The following CTSL variants were observed in gnomAD, a reference collection of about 807,000 sequenced individuals.
The protein encoded by CTSL is cathepsin L.
CTSL carries 23 observed loss-of-function variants against 34.7 expected under a neutral mutation model. The observed-to-expected ratio is 0.66, with a 90% CI of 0.48 to 0.94. The LOEUF is 0.94. Ranked by LOEUF, CTSL falls within the 40% of genes least tolerant of loss-of-function variation. The pLI, the probability that CTSL is intolerant of heterozygous loss-of-function variation, is 0.00. For synonymous variants in CTSL, 129 were observed against 136.7 expected, an observed-to-expected ratio of 0.94 and a Z score of 0.39; for missense variants, 361 against 406.3, an observed-to-expected ratio of 0.89 and a Z score of 0.96.
rs577631311 is a variant in CTSL, at chr9:87,731,258, T to A, written c.*151T>A. On this transcript the variant is annotated 3_prime_UTR_variant, in exon 8 of 8. Coordinates refer to ENST00000343150, the MANE Select transcript of CTSL (RefSeq NM_001912.5). ...TTTGAATTCTGTGATATTTTCACAC[T>A]GGTAAATGTTACCTCTATTTTAATT... 3.8e-6 allele frequency: 2 copies of A among 520,456 alleles called. No homozygotes were observed. The highest frequency in any genetic ancestry group is 6.9e-6 in the Non-Finnish European group (2 of 290,042). The allele number at this position is 520,456 out of a possible 1,614,324, so 32.2% of individuals were successfully genotyped here.
chr9:87,727,344 C>T (rs929755723), intron 1 of CTSL, among the ~76,000 whole-genome samples: 2 of 152,132 alleles, frequency 1.3e-5, no homozygotes. Flanking sequence ...AAATTGTCAT[C>T]GCATAAACTG....
chr9:87,730,902 C>T, intron 7 of CTSL, 106 bp from the exon 8 acceptor site: 1 of 826,726 alleles, frequency 1.2e-6, no homozygotes, highest in Non-Finnish European at 1.9e-6. Flanking sequence ...CTGATTCTTT[C>T]TGTTAAGTCT....
At chr9:87,730,949 G>A (rs1045987702) in intron 7 of CTSL, 59 bp from the exon 8 acceptor site, 2 of 1,435,438 alleles carry the variant, frequency 1.4e-6, no homozygotes, top group Non-Finnish European at 2.0e-6. Context: ...GGGTGTTCCT[G>A]TTAATAACCC....
chr9:87,729,722 G>A lies in CTSL; in HGVS notation c.771G>A (p.Leu257=), dbSNP rs1049686287. Residue 257 remains leucine, a synonymous_variant, in exon 6 of 8, where the codon CTG becomes CTA. Coordinates refer to ENST00000343150, the MANE Select transcript of CTSL (RefSeq NM_001912.5). ...VAIDAGHESF[L]FYKEGIYFEP... is the part of the protein sequence containing the mutation. ...TTGATGCAGGTCATGAGTCCTTCCTGTTCTATAAAGAAGGTAAGCATATTT... is the reference window on the plus strand; with the variant it reads ...TTGATGCAGGTCATGAGTCCTTCCTATTCTATAAAGAAGGTAAGCATATTT... 3.7e-6 allele frequency: 6 copies of A among 1,603,550 alleles called. No individual in the cohort carries two copies. Among genetic ancestry groups the A allele is most frequent in the Non-Finnish European group, 5.1e-6 (6 of 1,177,096 alleles).
intron 1 of CTSL, among the ~76,000 whole-genome samples, chr9:87,726,817 C>G (rs1223999816): frequency 6.6e-6 from 1 of 151,980 alleles, no homozygotes; most frequent in African/African-American, 2.4e-5. Flanking sequence ...CTGAGGTGGG[C>G]GGATCACCTG....
At chr9:87,727,956 A>G in intron 2 of CTSL, 71 bp from the exon 3 acceptor site, 1 of 1,596,970 alleles carries the variant, frequency 6.3e-7, no homozygotes, top group South Asian at 1.1e-5. Flanking sequence ...CTCTGTCTGC[A>G]GATTCACTTG....
intron 4 of CTSL, 21 bp from the exon 5 acceptor site, chr9:87,728,564 T>A: frequency 6.3e-7 from 1 of 1,597,610 alleles, no homozygotes. Flanking sequence ...GGATGACAGC[T>A]TTTTTTAATT....
At chr9:87,726,879 C>A (rs1242355385) in intron 1 of CTSL, among the ~76,000 whole-genome samples, 1 of 151,998 alleles carries the variant, frequency 6.6e-6, no homozygotes, top group Non-Finnish European at 1.5e-5. Context: ...CCCGTCTCTA[C>A]TGAAAATACA....
intron 2 of CTSL, 146 bp downstream of exon 2, chr9:87,727,875 G>C (rs1405851357): frequency 7.1e-7 from 1 of 1,402,456 alleles, no homozygotes; most frequent in Non-Finnish European, 9.9e-7. Flanking sequence ...ATTCATCCTT[G>C]TTGTGTCTCA....
At chr9:87,728,835 C>G (rs770755945) in intron 5 of CTSL, 26 bp downstream of exon 5, 1 of 1,614,094 alleles carries the variant, frequency 6.2e-7, no homozygotes, top group Admixed American at 1.7e-5. Context: ...TGTCATCATT[C>G]CAGCTCAGCT....
At position 87,731,182 on chromosome 9, in the gene CTSL, A is replaced by G. The variant is rs1826249632; in HGVS notation, c.*75A>G. The G allele has an allele frequency of 9.0e-7, 1 of 1,109,936 alleles. No homozygotes were observed. The highest frequency in any genetic ancestry group is 2.4e-5 in the East Asian group (1 of 40,830). 68.8% of individuals were successfully genotyped at this position (1,109,936 alleles called of 1,614,324 possible). A position where few individuals can be genotyped will look rare whatever the true frequency, so the allele number is the denominator to read the frequency against. On this transcript the variant is annotated 3_prime_UTR_variant, in exon 8 of 8. Coordinates refer to ENST00000343150, the MANE Select transcript of CTSL (RefSeq NM_001912.5). ...GGGAGGAATTCATCTTCAGTCTACC[A>G]GCCCCCGCTGTGTCGGATACACACT... is the stretch of plus-strand genomic sequence containing the variant.
chr9:87,726,700 G>C (rs1169083765), intron 1 of CTSL, among the ~76,000 whole-genome samples: 1 of 152,186 alleles, frequency 6.6e-6, no homozygotes, highest in Non-Finnish European at 1.5e-5. Context: ...AGCAGTGCGT[G>C]CTCTCCTTCC....
chr9:87,728,941 T>G (rs1826149879), intron 5 of CTSL, 132 bp downstream of exon 5: 3 of 1,493,324 alleles, frequency 2.0e-6, no homozygotes, highest in Admixed American at 4.4e-5. Flanking sequence ...ATCCCAGCCC[T>G]TTAGGAGGCT....
rs1826116227 is a variant in CTSL, at chr9:87,728,344, C to G, written c.344C>G (p.Pro115Arg). 6.2e-7 allele frequency: 1 copy of G among 1,614,134 alleles called. No individual in the cohort carries two copies. Among genetic ancestry groups the G allele is most frequent in the Non-Finnish European group, 8.5e-7 (1 of 1,180,032 alleles). ...VFQEPLFYEA[P>R]RSVDWREKGY... ...CAGGAACCTCTGTTTTATGAGGCCC[C>G]CAGATCTGTGGATTGGAGAGAGAAA... The change falls in exon 4 of 8, where the codon CCC (proline) becomes CGC (arginine). Residue 115 changes from proline to arginine, a missense_variant. By Grantham distance (103) the Pro-to-Arg change is moderately radical. Coordinates refer to ENST00000343150, the MANE Select transcript of CTSL (RefSeq NM_001912.5).
Position 87,729,690 on chromosome 9 carries a change from G to A in CTSL, c.739G>A (p.Val247Ile). Residue 247 changes from valine to isoleucine, a missense_variant, in exon 6 of 8, where the codon GTT (valine) becomes ATT (isoleucine). Physicochemically the swap from Val to Ile is conservative, Grantham distance 29. Transcript: ENST00000343150. ...AGTTGCAACTGTGGGGCCCATTTCT[G>A]TTGCTATTGATGCAGGTCATGAGTC... is the stretch of plus-strand genomic sequence containing the variant. ...KAVATVGPIS[V>I]AIDAGHESFL... 6.2e-7 allele frequency: 1 copy of A among 1,613,948 alleles called. No individual in the cohort carries two copies. Among genetic ancestry groups the A allele is most frequent in the Non-Finnish European group, 8.5e-7 (1 of 1,179,922 alleles).
chr9:87,728,908 G>A (rs996748208), intron 5 of CTSL, 99 bp downstream of exon 5: 11 of 1,553,808 alleles, frequency 7.1e-6, no homozygotes, highest in Non-Finnish European at 9.6e-6. Flanking sequence ...TATTAGGGCT[G>A]GGTGGGGTGG....
chr9:87,728,978 G>A, intron 5 of CTSL, 169 bp downstream of exon 5: 3 of 1,441,712 alleles, frequency 2.1e-6, no homozygotes, highest in Non-Finnish European at 2.7e-6. Flanking sequence ...TTAAGCTCAG[G>A]AGTTTGAGAC....
At chr9:87,730,314 G>A (rs942883491) in intron 6 of CTSL, 67 bp from the exon 7 acceptor site, 70 of 985,152 alleles carry the variant, frequency 7.1e-5, no homozygotes, top group Non-Finnish European at 8.5e-5. Flanking sequence ...CCCTGTGGGT[G>A]ACAGGATGGG....
At position 87,727,995 on chromosome 9, in the gene CTSL, G is replaced by A. The variant is rs1251820761; in HGVS notation, c.127-32G>A. 6 of 1,611,346 alleles carry A rather than the reference G, an allele frequency of 3.7e-6. No homozygotes were observed. The African/African-American group carries it at 6.7e-5, about 18-fold the overall frequency. ...AGGATGAGTTGGGTTTTAGGTAGAA[G>A]TAAAGAGCATCAGTTACATGTTTGC... On this transcript the variant is annotated intron_variant, in intron 2 of 7. Transcript: ENST00000343150.
Sources: allele counts gnomAD v4.1 joint callset (sites outside exome capture counted in the v4.1 genomes callset), GRCh38; gene constraint gnomAD v4.1.1; transcripts MANE v1.5; gene names NCBI Gene and HGNC (gene_info 2026-07-23, HGNC 2026-07-21).